Variants in DISP3 observed in about 807,000 individuals in gnomAD.
DISP3 encodes protein dispatched homolog 3.
Under a neutral mutation model 135.3 loss-of-function variants are expected in DISP3, and 101 were observed. The observed-to-expected ratio is 0.75, with a 90% CI of 0.64 to 0.88. The LOEUF (loss-of-function observed/expected upper bound fraction) is 0.88, where lower values mean the gene tolerates loss of function less well. Among genes scored for constraint, DISP3 ranks in the 40% least tolerant of loss-of-function variants. The pLI is 0.00. For missense variants in DISP3, 1,713 were observed against 1,878.6 expected (o/e 0.91, Z 1.63); for synonymous variants, 856 against 817.0 (o/e 1.05, Z -0.81).
intron 7 of DISP3, among the ~76,000 whole-genome samples, chr1:11,518,323 G>C (rs2745262): frequency 6.6e-6 from 1 of 152,146 alleles, no homozygotes; most frequent in African/African-American, 2.4e-5. Flanking sequence ...AGGGCCCAGC[G>C]AGGAGCTTAG....
intron 1 of DISP3, among the ~76,000 whole-genome samples, chr1:11,485,208 C>G (rs1444175975): frequency 6.6e-6 from 1 of 152,040 alleles, no homozygotes; most frequent in Non-Finnish European, 1.5e-5. Flanking sequence ...CAGCTGTCCC[C>G]TGGGGCTGAG....
Position 11,529,831 on chromosome 1 carries a change from G to A in DISP3, c.2974G>A (p.Val992Met), listed in dbSNP as rs371132450. Residue 992 changes from valine (V) to methionine (M), a missense_variant, in exon 15 of 21, where the codon GTG (valine) becomes ATG (methionine). Coordinates refer to ENST00000294484, the MANE Select transcript of DISP3 (RefSeq NM_020780.2). The surrounding 1 kb of genome is among the most constrained non-coding windows in gnomAD (Gnocchi z 4.7). The part of the protein sequence containing the change: ...LSATFGFNPC[V>M]NTGCGKPAVR... ...AGCCACCTTCGGCTTCAACCCCTGC[G>A]TGAACACGGGCTGCGGGAAGCCGGC... 2.9e-5 allele frequency: 47 copies of A among 1,613,864 alleles called. No individual in the cohort carries two copies. The East Asian group carries it at 3.3e-4, about 11-fold the overall frequency.
At chr1:11,521,261 GA>G (rs1642180408) in intron 10 of DISP3, among the ~76,000 whole-genome samples, 1 of 134,072 alleles carries the variant, frequency 7.5e-6, no homozygotes, top group African/African-American at 2.8e-5. Flanking sequence ...GGGAGAGGAG[GA>G]AAGAAGAGGG....
intron 1 of DISP3, among the ~76,000 whole-genome samples, chr1:11,492,078 C>T (rs1263633349): frequency 6.9e-6 from 1 of 144,300 alleles, no homozygotes; most frequent in African/African-American, 2.6e-5. Context: ...GCCGAGATCC[C>T]GCCACTGCAC....
intron 20 of DISP3, 90 bp downstream of exon 20, chr1:11,535,734 CAT>C: frequency 6.8e-7 from 1 of 1,466,812 alleles, no homozygotes; most frequent in Non-Finnish European, 9.2e-7. Context: ...GGCAGCTGAA[CAT>C]CCCAGCACCA....
At position 11,501,790 on chromosome 1, in the gene DISP3, C is replaced by A. The variant is rs933983738; in HGVS notation, c.798C>A (p.Asn266Lys). 1.9e-6 allele frequency: 3 copies of A among 1,601,772 alleles called. No individual in the cohort carries two copies. The highest frequency in any genetic ancestry group is 2.6e-6 in the Non-Finnish European group (3 of 1,173,008). The change falls in exon 2 of 21, where the codon AAC (asparagine) becomes AAA (lysine). Residue 266 changes from asparagine to lysine, a missense_variant. Asn to Lys is a moderately conservative substitution (Grantham distance 94). Transcript: ENST00000294484. This position sits in a 1 kb window ranked among gnomAD's most constrained non-coding sequence, Gnocchi z 4.9. Reference sequence around the variant, plus strand: ...ACTCGCGCGCCTATGTGAGTGCCAACACTCAGACGCACGCGCACTGGCGCA... The same window carrying A: ...ACTCGCGCGCCTATGTGAGTGCCAAAACTCAGACGCACGCGCACTGGCGCA... ...WDYSRAYVSA[N>K]TQTHAHWRIE...
chr1:11,536,421 T>G lies in DISP3; in HGVS notation c.3914T>G (p.Val1305Gly). The G allele has an allele frequency of 6.2e-7, 1 of 1,613,182 alleles. No homozygotes were observed. The highest frequency in any genetic ancestry group is 8.5e-7 in the Non-Finnish European group (1 of 1,179,972). Reference protein sequence around the residue: ...SSALTTVIATVPLFFCIIAPF... With the variant: ...SSALTTVIATGPLFFCIIAPF... ...GCCCTCACCACGGTCATCGCCACAG[T>G]GCCCCTCTTCTTCTGCATCATCGCC... Residue 1305 changes from valine to glycine, a missense_variant, in exon 21 of 21, where the codon GTG becomes GGG. Coordinates refer to ENST00000294484, the MANE Select transcript of DISP3 (RefSeq NM_020780.2). This position sits in a 1 kb window ranked among gnomAD's most constrained non-coding sequence, Gnocchi z 4.3.
intron 3 of DISP3, among the ~76,000 whole-genome samples, chr1:11,507,590 T>C (rs1331518845): frequency 6.6e-6 from 1 of 152,208 alleles, no homozygotes; most frequent in Non-Finnish European, 1.5e-5. Context: ...CTTCTGCCCA[T>C]GTTTAGAATC....
chr1:11,525,329 G>A lies in DISP3; in HGVS notation c.2613+17G>A, dbSNP rs879161156. Reference sequence around the variant, plus strand: ...TCCTTCCAGGTGAGCCTGGGCTGTCGTGAAGTGAGCCGCCACCACTGTGGG... The same window carrying A: ...TCCTTCCAGGTGAGCCTGGGCTGTCATGAAGTGAGCCGCCACCACTGTGGG... On this transcript the variant is annotated intron_variant, in intron 12 of 20. Transcript: ENST00000294484. The A allele has an allele frequency of 1.4e-5, 23 of 1,606,166 alleles. No individual in the cohort carries two copies. The highest frequency in any genetic ancestry group is 4.0e-5 in the African/African-American group (3 of 74,744).
Position 11,501,014 on chromosome 1 carries a change from T to C in DISP3, c.22T>C (p.Leu8=). MDTEDDP[L]LQDVWLEEEQ... ...GACTATGGACACGGAGGATGACCCC[T>C]TGCTGCAGGATGTGTGGCTAGAGGA... The change falls in exon 2 of 21, where the codon TTG becomes CTG. Residue 8 remains leucine, a synonymous_variant. Coordinates refer to ENST00000294484, the MANE Select transcript of DISP3 (RefSeq NM_020780.2). This position sits in a 1 kb window ranked among gnomAD's most constrained non-coding sequence, Gnocchi z 4.9. 6.2e-7 allele frequency: 1 copy of C among 1,613,998 alleles called. No individual in the cohort carries two copies. The highest frequency in any genetic ancestry group is 8.5e-7 in the Non-Finnish European group (1 of 1,179,994).
chr1:11,536,408 G>A lies in DISP3; in HGVS notation c.3901G>A (p.Val1301Ile), dbSNP rs1319430881. Reference sequence around the variant, plus strand: ...CATCGTCTCCAGTGCCCTCACCACGGTCATCGCCACAGTGCCCCTCTTCTT... The same window carrying A: ...CATCGTCTCCAGTGCCCTCACCACGATCATCGCCACAGTGCCCCTCTTCTT... ...VAIVSSALTT[V>I]IATVPLFFCI... Residue 1301 changes from valine to isoleucine, a missense_variant, in exon 21 of 21, where the codon GTC (valine) becomes ATC (isoleucine). Physicochemically the swap from Val to Ile is conservative, Grantham distance 29 (BLOSUM62 3). This residue lies in a region of DISP3 where 1,142 missense variants were observed against 1,384.6 expected (regional missense o/e 0.82). Coordinates refer to ENST00000294484, the MANE Select transcript of DISP3 (RefSeq NM_020780.2). This position sits in a 1 kb window ranked among gnomAD's most constrained non-coding sequence, Gnocchi z 4.3. 1 of 1,612,468 alleles carries A rather than the reference G, an allele frequency of 6.2e-7. No individual in the cohort carries two copies. The highest frequency in any genetic ancestry group is 2.2e-5 in the East Asian group (1 of 44,894).
In DISP3 at chr1:11,536,253, G is replaced by A. The variant is rs114128320; in HGVS notation, c.3817-71G>A. On this transcript the variant is annotated intron_variant, in intron 20 of 20. Transcript: ENST00000294484. The surrounding 1 kb of genome is among the most constrained non-coding windows in gnomAD (Gnocchi z 4.3). ...GGAACCTGGCGTGGGGTGGGGGTGCGTGATTCCCCAGGTGCTGGCCAGAGG... is the reference window on the plus strand; with the variant it reads ...GGAACCTGGCGTGGGGTGGGGGTGCATGATTCCCCAGGTGCTGGCCAGAGG... The A allele has an allele frequency of 1.1e-3, 1,698 of 1,525,290 alleles. 12 individuals carry two copies. The African/African-American group carries it at 0.019, about 17-fold the overall frequency. 94.5% of individuals were successfully genotyped at this position (1,525,290 alleles called of 1,614,324 possible).
chr1:11,521,978 C>T (rs2817589), intron 10 of DISP3, among the ~76,000 whole-genome samples: 20,557 of 152,064 alleles, frequency 0.14, 1,764 homozygotes, highest in East Asian at 0.46. Flanking sequence ...AGGCTGAGAG[C>T]TGGTGGTGCT....
In DISP3 at chr1:11,530,911, G is replaced by T. The variant is rs868637179; in HGVS notation, c.3107G>T (p.Ser1036Ile). 1 of 1,613,886 alleles carries T rather than the reference G, an allele frequency of 6.2e-7. No homozygotes were observed. Among genetic ancestry groups the T allele is most frequent in the Non-Finnish European group, 8.5e-7 (1 of 1,179,910 alleles). The change falls in exon 16 of 21, where the codon AGT becomes ATT. Residue 1036 changes from serine (S) to isoleucine (I), a missense_variant. By Grantham distance (142) the Ser-to-Ile change is moderately radical (BLOSUM62 -2). Coordinates refer to ENST00000294484, the MANE Select transcript of DISP3 (RefSeq NM_020780.2). ...GCTTGTTTCTCCTTGGGAAAGGGTAGTGTTGTCTACGACAGCAGCTTTGAC... is the reference window on the plus strand; with the variant it reads ...GCTTGTTTCTCCTTGGGAAAGGGTATTGTTGTCTACGACAGCAGCTTTGAC... ...VDNHVIGDPGSVVYDSSFDLF... is the reference protein window; with the variant it reads ...VDNHVIGDPGIVVYDSSFDLF...
chr1:11,535,534 G>A lies in DISP3; in HGVS notation c.3706G>A (p.Val1236Met), dbSNP rs1349649070. ...MYWSGWEMGA[V>M]EAISLSILVG... Reference sequence around the variant, plus strand: ...CTGGAGCGGCTGGGAGATGGGGGCTGTGGAAGCCATCTCCCTGTCCATCCT... The same window carrying A: ...CTGGAGCGGCTGGGAGATGGGGGCTATGGAAGCCATCTCCCTGTCCATCCT... Residue 1236 changes from valine to methionine, a missense_variant, in exon 20 of 21, where the codon GTG becomes ATG. By Grantham distance (21) the Val-to-Met change is conservative. Around this residue, in one of 2 missense-constraint regions of DISP3, gnomAD observed 1,142 missense variants for 1,384.6 expected, o/e 0.82. Transcript: ENST00000294484. 7.4e-6 allele frequency: 12 copies of A among 1,613,018 alleles called. No homozygotes were observed. The highest frequency in any genetic ancestry group is 1.3e-5 in the African/African-American group (1 of 74,878).
intron 10 of DISP3, among the ~76,000 whole-genome samples, chr1:11,521,954 G>A (rs1642207848): frequency 6.6e-6 from 1 of 152,106 alleles, no homozygotes; most frequent in Non-Finnish European, 1.5e-5. Context: ...GCACTGGGGT[G>A]GAAGCTAGCT....
intron 2 of DISP3, 65 bp downstream of exon 2, chr1:11,502,153 T>TGGCCCAGGCCAGGCCCA: frequency 6.7e-7 from 1 of 1,503,324 alleles, no homozygotes; most frequent in East Asian, 2.3e-5. Flanking sequence ...TATGGAGATT[T>TGGCCCAGGCCAGGCCCA]GGCCCAGGCC....
chr1:11,535,595 TC>T lies in DISP3; in HGVS notation c.3768del (p.Glu1257ArgfsTer78). 6.2e-7 allele frequency: 1 copy of T among 1,613,336 alleles called. No individual in the cohort carries two copies. The highest frequency in any genetic ancestry group is 1.1e-5 in the South Asian group (1 of 91,080). On this transcript the variant is annotated frameshift_variant, in exon 20 of 21. Coordinates refer to ENST00000294484, the MANE Select transcript of DISP3 (RefSeq NM_020780.2). LOFTEE classifies it high-confidence loss of function. ...GSSVDYCVHL[V>X]EGYLLAGENL... ...TCCGTGGATTACTGCGTCCACCTGG[TC>T]GAGGGCTACCTGCTGGCTGGAGAGA...
Position 11,516,213 on chromosome 1 carries a change from C to T in DISP3, c.1749+52C>T, listed in dbSNP as rs751838099. On this transcript the variant is annotated intron_variant, in intron 6 of 20. Transcript: ENST00000294484. The surrounding 1 kb of genome is among the most constrained non-coding windows in gnomAD (Gnocchi z 5.1). ...CTGGCCTCCCACACGCTCATGCATA[C>T]CTAGCCGCTGGTCTCTGCCCTTCCC... The T allele has an allele frequency of 1.3e-6, 2 of 1,582,198 alleles. No individual in the cohort carries two copies. The highest frequency in any genetic ancestry group is 2.3e-5 in the South Asian group (2 of 86,010).
Sources: allele counts gnomAD v4.1 joint callset (sites outside exome capture counted in the v4.1 genomes callset), GRCh38; gene constraint gnomAD v4.1.1; regional missense constraint gnomAD v4.1.1; non-coding constraint Gnocchi (gnomAD v3.1); transcripts MANE v1.5; gene names NCBI Gene and HGNC (gene_info 2026-07-23, HGNC 2026-07-21).